The following CLEC7A variants were observed in gnomAD, a reference collection of about 807,000 sequenced individuals.
The protein encoded by CLEC7A is C-type lectin domain family 7 member A.
Under a neutral mutation model 26.9 loss-of-function variants are expected in CLEC7A, and 25 were observed. The observed-to-expected ratio is 0.93, with a 90% CI of 0.68 to 1.30. The LOEUF is 1.30. Among genes scored for constraint, CLEC7A ranks in the 50% most tolerant of loss-of-function variants. The pLI is 0.00. For synonymous variants in CLEC7A, 100 were observed against 99.5 expected (o/e 1.01, Z -0.03); for missense variants, 275 against 286.7 (o/e 0.96, Z 0.29).
In CLEC7A at chr12:10,118,222, G is replaced by T; in HGVS notation, c.*236C>A. 1 of 466,836 alleles carries T rather than the reference G, an allele frequency of 2.1e-6. No individual in the cohort carries two copies. Among genetic ancestry groups the T allele is most frequent in the Non-Finnish European group, 3.7e-6 (1 of 267,636 alleles). The allele number at this position is 466,836 out of a possible 1,614,324, so 28.9% of individuals were successfully genotyped here. On this transcript the variant is annotated 3_prime_UTR_variant, in exon 6 of 6. Coordinates refer to ENST00000304084, the MANE Select transcript of CLEC7A (RefSeq NM_197947.3). Reference sequence around the variant, plus strand: ...AAAAAATAAAAACTCAAGCTTGGCTGCCCTGATTCCATGTCTAGGGATCTA... The same window carrying T: ...AAAAAATAAAAACTCAAGCTTGGCTTCCCTGATTCCATGTCTAGGGATCTA...
rs931963884 is a variant in CLEC7A at position 10,126,471 on chromosome 12, C to A, written c.340+100G>T. 1.2e-5 allele frequency: 18 copies of A among 1,461,676 alleles called. No homozygotes were observed. The African/African-American group carries it at 2.3e-4, about 19-fold the overall frequency. The allele number at this position is 1,461,676 out of a possible 1,614,324, so 90.5% of individuals were successfully genotyped here. On this transcript the variant is annotated intron_variant, in intron 3 of 5. Coordinates refer to ENST00000304084, the MANE Select transcript of CLEC7A (RefSeq NM_197947.3). ...TGTGTATTTGCCTTAAATTTACAAT[C>A]ATTGAATCTAAGTGTTTTTCTTTAC...
At chr12:10,126,332 T>C (rs1316599604) in intron 3 of CLEC7A, 10 of 983,182 alleles carry the variant, frequency 1.0e-5, no homozygotes, top group Middle Eastern at 1.0e-3. Context: ...AGTTACTGAT[T>C]TTAAAAATTA....
chr12:10,126,438 T>A, intron 3 of CLEC7A, 133 bp downstream of exon 3: 1 of 1,435,422 alleles, frequency 7.0e-7, no homozygotes, highest in Non-Finnish European at 9.2e-7. Context: ...ACTAAGGTAA[T>A]ACTAATATGT....
chr12:10,121,794 G>C (rs776142460), intron 5 of CLEC7A, among the ~76,000 whole-genome samples: 7 of 152,132 alleles, frequency 4.6e-5, no homozygotes, highest in Non-Finnish European at 1.0e-4. Context: ...AATAAATTAG[G>C]TCAGGAGATC....
chr12:10,120,668 T>G (rs559337581), intron 5 of CLEC7A, among the ~76,000 whole-genome samples: 47 of 151,114 alleles, frequency 3.1e-4, no homozygotes, highest in Admixed American at 8.5e-4. Flanking sequence ...GATCAAGTGA[T>G]CCGCCTGCCT....
rs531427799 is a variant in CLEC7A at position 10,118,188 on chromosome 12, TA to T, written c.*269del. 46 of 335,174 alleles carry T rather than the reference TA, an allele frequency of 1.4e-4. 1 individual carries two copies. The South Asian group carries it at 1.7e-3, about 13-fold the overall frequency. 20.8% of individuals were successfully genotyped at this position (335,174 alleles called of 1,614,324 possible). On this transcript the variant is annotated 3_prime_UTR_variant, in exon 6 of 6. Coordinates refer to ENST00000304084, the MANE Select transcript of CLEC7A (RefSeq NM_197947.3). ...AAAGTGAGACCCTATCTCAAAAAAA[TA>T]AATAAATAAAAAATAAAAACTCAAG...
At chr12:10,122,892 C>A (rs1440183567) in intron 5 of CLEC7A, among the ~76,000 whole-genome samples, 1 of 152,076 alleles carries the variant, frequency 6.6e-6, no homozygotes, top group Non-Finnish European at 1.5e-5. Flanking sequence ...ATCATTAACC[C>A]AAACTGAGGC....
At position 10,118,090 on chromosome 12, in the gene CLEC7A, C is replaced by A. The variant is rs1417852641; in HGVS notation, c.*368G>T. The stretch of plus-strand genomic sequence containing the variant: ...TGGTGGCATGCACCTGTAGTCCCAG[C>A]TACTTGAGGGGCTGAGGCGAGAGAT... On this transcript the variant is annotated 3_prime_UTR_variant, in exon 6 of 6. Transcript: ENST00000304084. 5.1e-6 allele frequency: 1 copy of A among 194,284 alleles called. No individual in the cohort carries two copies. 12.0% of individuals were successfully genotyped at this position (194,284 alleles called of 1,614,324 possible).
chr12:10,127,068 T>A (rs1438665414), intron 2 of CLEC7A: 1 of 1,392,116 alleles, frequency 7.2e-7, no homozygotes, highest in Non-Finnish European at 9.4e-7. Context: ...AAATGAGAGA[T>A]CCTTGAGAAA....
intron 3 of CLEC7A, 102 bp from the exon 4 acceptor site, chr12:10,125,550 G>GTTGCCA (rs1360620190): frequency 1.9e-5 from 17 of 910,176 alleles, no homozygotes; most frequent in Non-Finnish European, 2.5e-5. Context: ...TAACCAATTA[G>GTTGCCA]TTGCCATTTT....
Position 10,123,301 on chromosome 12 carries a change from C to T in CLEC7A, c.555G>A (p.Arg185=). 1 of 1,613,566 alleles carries T rather than the reference C, an allele frequency of 6.2e-7. No individual in the cohort carries two copies. Among genetic ancestry groups the T allele is most frequent in the Middle Eastern group, 1.6e-4 (1 of 6,062 alleles). ...AGAGCCATGGTACCTCAGTCTGGGG[C>T]CGAGAAAGGCCTATCCAAAATGAAT... ...PDNSFWIGLS[R]PQTEVPWLWE... Residue 185 remains arginine (R), a synonymous_variant, in exon 5 of 6, where the codon CGG becomes CGA. Transcript: ENST00000304084.
intron 1 of CLEC7A, among the ~76,000 whole-genome samples, chr12:10,129,398 A>G (rs981683795): frequency 6.6e-6 from 1 of 152,192 alleles, no homozygotes; most frequent in Non-Finnish European, 1.5e-5. Context: ...CACTGATGAA[A>G]TGTCTATATC....
intron 4 of CLEC7A, 58 bp from the exon 5 acceptor site, chr12:10,123,421 T>C: frequency 3.0e-6 from 3 of 1,001,654 alleles, no homozygotes; most frequent in South Asian, 1.3e-5. Flanking sequence ...AGAAAGAAAC[T>C]ATTATCATGG....
intron 5 of CLEC7A, among the ~76,000 whole-genome samples, chr12:10,122,415 A>G (rs1041432410): frequency 6.6e-6 from 1 of 152,100 alleles, no homozygotes; most frequent in African/African-American, 2.4e-5. Flanking sequence ...TGTACAAGAC[A>G]CTGTGCTAAA....
intron 5 of CLEC7A, among the ~76,000 whole-genome samples, chr12:10,119,239 A>C (rs757611878): frequency 6.6e-6 from 1 of 152,210 alleles, no homozygotes; most frequent in Non-Finnish European, 1.5e-5. Flanking sequence ...CCGTCAGTGC[A>C]AAAGCTATGA....
intron 2 of CLEC7A, chr12:10,127,275 T>G: frequency 6.9e-7 from 1 of 1,457,690 alleles, no homozygotes; most frequent in Admixed American, 2.1e-5. Flanking sequence ...GTGTTTATAT[T>G]AAAGATCGGA....
At chr12:10,124,006 TCTC>T (rs1013220605) in intron 4 of CLEC7A, among the ~76,000 whole-genome samples, 2 of 151,944 alleles carry the variant, frequency 1.3e-5, no homozygotes, top group African/African-American at 4.8e-5. Context: ...GCCATTGTCT[TCTC>T]CTCCAATTGA....
rs534104618 is a variant in CLEC7A, at chr12:10,119,802, C to T, written c.612-1212G>A. 2.0e-5 allele frequency among the ~76,000 whole-genome samples: 3 copies of T among 150,796 alleles called. No homozygotes were observed. In the East Asian group the frequency reaches 5.8e-4, roughly 29 times the overall value. On this transcript the variant is annotated intron_variant, in intron 5 of 5. Transcript: ENST00000304084. ...AACAACACTATAAAAAGCAATCTGA[C>T]ATAAGAGAAAACTAATCAACACAAA...
chr12:10,118,672 G>A, intron 5 of CLEC7A, 82 bp from the exon 6 acceptor site: 3 of 1,210,920 alleles, frequency 2.5e-6, no homozygotes, highest in South Asian at 1.4e-5. Flanking sequence ...AATTAGTAAG[G>A]ATATTGGTGA....
Sources: gnomAD v4.1 joint callset for allele counts (sites outside exome capture counted in the v4.1 genomes callset) on GRCh38, gnomAD v4.1.1 for gene constraint, MANE v1.5 for transcripts, NCBI Gene and HGNC (gene_info 2026-07-23, HGNC 2026-07-21) for gene names.